MYO6: variants seen among roughly 807,000 people sequenced by gnomAD.
MYO6 encodes unconventional myosin-VI.
Under a neutral mutation model 178.7 loss-of-function variants are expected in MYO6, and 74 were observed. The ratio of observed to expected loss-of-function variants is 0.41; its 90% CI spans 0.34 to 0.50. MYO6 has a LOEUF of 0.50. Among genes scored for constraint, MYO6 ranks in the 20% least tolerant of loss-of-function variants. MYO6 has a pLI of 0.09. For missense variants in MYO6, 1,330 were observed against 1,547.4 expected (o/e 0.86, Z 2.36); for synonymous variants, 477 against 504.6 (o/e 0.95, Z 0.73).
At position 75,831,297 on chromosome 6, in the gene MYO6, T is replaced by G. The variant is rs138199315; in HGVS notation, c.391+752T>G. Among the ~76,000 whole-genome samples the G allele has an allele frequency of 3.3e-5, 5 of 152,340 alleles. No individual in the cohort carries two copies. In the East Asian group the frequency reaches 9.6e-4, roughly 29 times the overall value. ...TCCTGTTTCTCTTTGGGCTTTCCCT[T>G]CATGCTTGTGTTTTGGCCTAACCAG... is the stretch of plus-strand genomic sequence containing the variant. On this transcript the variant is annotated intron_variant, in intron 5 of 34. Transcript: ENST00000369977.
At chr6:75,802,066 A>C (rs115740310) in intron 1 of MYO6, among the ~76,000 whole-genome samples, 284 of 152,360 alleles carry the variant, frequency 1.9e-3, no homozygotes, top group African/African-American at 6.4e-3. Flanking sequence ...ATTTCAGTGA[A>C]AATTTCCAAT....
chr6:75,845,542 A>C (rs1326399382), intron 10 of MYO6, among the ~76,000 whole-genome samples: 1 of 151,986 alleles, frequency 6.6e-6, no homozygotes, highest in Non-Finnish European at 1.5e-5. Context: ...AAAATAAAAA[A>C]AATTCACTGG....
At chr6:75,836,383 C>G (rs896958350) in intron 7 of MYO6, among the ~76,000 whole-genome samples, 1 of 152,114 alleles carries the variant, frequency 6.6e-6, no homozygotes, top group Non-Finnish European at 1.5e-5. Context: ...TTTCCTTAAG[C>G]TATCCATGCT....
intron 11 of MYO6, among the ~76,000 whole-genome samples, chr6:75,851,144 C>G (rs1466978289): frequency 6.6e-6 from 1 of 152,126 alleles, no homozygotes; most frequent in African/African-American, 2.4e-5. Context: ...CTTCACACCT[C>G]TTATTATTAC....
chr6:75,911,888 ATATG>A (rs1780781696), intron 33 of MYO6, among the ~76,000 whole-genome samples, 190 bp downstream of exon 33: 1 of 152,038 alleles, frequency 6.6e-6, no homozygotes, highest in African/African-American at 2.4e-5. Flanking sequence ...TCCAATATGT[ATATG>A]TATTACAAAA....
chr6:75,866,287 GT>G (rs1215678340), intron 16 of MYO6, among the ~76,000 whole-genome samples: 54 of 150,840 alleles, frequency 3.6e-4, no homozygotes, highest in African/African-American at 1.3e-3. Flanking sequence ...GTGTGTGTGT[GT>G]GTGTGTGTGT....
intron 1 of MYO6, among the ~76,000 whole-genome samples, chr6:75,785,847 C>T (rs1217591840): frequency 6.6e-6 from 1 of 151,768 alleles, no homozygotes; most frequent in Non-Finnish European, 1.5e-5. Context: ...TCATCTTTCC[C>T]CATTATCTGC....
chr6:75,902,749 A>C (rs1194718734), intron 30 of MYO6, among the ~76,000 whole-genome samples: 8 of 148,950 alleles, frequency 5.4e-5, no homozygotes, highest in African/African-American at 7.4e-5. Context: ...GATTTTAGTT[A>C]TTTCTTGCCT....
chr6:75,768,215 T>C (rs1778601700), intron 1 of MYO6: 1 of 152,186 alleles, frequency 6.6e-6, no homozygotes, highest in Non-Finnish European at 1.5e-5. Context: ...CTTTTTTACC[T>C]GTAGTTTTAG....
intron 1 of MYO6, among the ~76,000 whole-genome samples, chr6:75,760,791 A>G (rs1208939434): frequency 6.6e-6 from 1 of 150,484 alleles, no homozygotes; most frequent in African/African-American, 2.4e-5. Flanking sequence ...CTTTTGTGGG[A>G]TCTTCTAAAA....
intron 2 of MYO6, 37 bp from the exon 3 acceptor site, chr6:75,822,745 A>G (rs1772020356): frequency 1.9e-6 from 3 of 1,560,392 alleles, no homozygotes; most frequent in Non-Finnish European, 2.7e-6. Flanking sequence ...ACTATTTAAA[A>G]GCCTTGAGTT....
At position 75,890,159 on chromosome 6, in the gene MYO6, G is replaced by T. The variant is rs770092845; in HGVS notation, c.2761G>T (p.Glu921Ter). The stretch of plus-strand genomic sequence containing the variant: ...ATTACAGAAAAAAAAACAGCAGGAA[G>T]AGGAAGCAGAAAGGCTGAGGCGTAT... Reference protein sequence around the residue: ...SALQKKKQQEEEAERLRRIQE... With the variant: ...SALQKKKQQE The change falls in exon 26 of 35, where the codon GAG becomes TAG. Residue 921 changes from glutamate (E) to a stop codon, truncating the protein, a stop_gained. Coordinates refer to ENST00000369977, the MANE Select transcript of MYO6 (RefSeq NM_004999.4). LOFTEE classifies it high-confidence loss of function. 6.2e-7 allele frequency: 1 copy of T among 1,613,716 alleles called. No individual in the cohort carries two copies. Among genetic ancestry groups the T allele is most frequent in the Non-Finnish European group, 8.5e-7 (1 of 1,179,744 alleles).
intron 30 of MYO6, among the ~76,000 whole-genome samples, chr6:75,903,614 T>TG (rs1780008183): frequency 6.6e-6 from 1 of 152,150 alleles, no homozygotes; most frequent in Non-Finnish European, 1.5e-5. Context: ...TTTGAGCCTA[T>TG]GTGTGTCTCT....
intron 1 of MYO6, among the ~76,000 whole-genome samples, chr6:75,779,217 C>T (rs1766712772): frequency 1.3e-5 from 2 of 151,894 alleles, no homozygotes; most frequent in Non-Finnish European, 2.9e-5. Context: ...TAATAAAAAA[C>T]GAGGCCGGGT....
rs79443273 is a variant in MYO6, at chr6:75,870,526, T to C, written c.1945-121T>C. 15,104 of 772,230 alleles carry C rather than the reference T, an allele frequency of 0.02. 1,070 individuals carry two copies. Among genetic ancestry groups the C allele is most frequent in the African/African-American group, 0.18 (10,538 of 58,372 alleles). The allele number at this position is 772,230 out of a possible 1,614,324, so 47.8% of individuals were successfully genotyped here. ...GTACCAGGAGGTTGTTAAACTGGAA[T>C]GTGTTGTATTTGGATGTTATTGCAT... On this transcript the variant is annotated intron_variant, in intron 18 of 34. Transcript: ENST00000369977.
At chr6:75,784,776 CAAAAAAAAA>C (rs754218278) in intron 1 of MYO6, among the ~76,000 whole-genome samples, 8 of 54,406 alleles carry the variant, frequency 1.5e-4, no homozygotes, top group African/African-American at 3.9e-4. Context: ...GACTCCGTCT[CAAAAAAAAA>C]AAAAAAAAAA....
intron 14 of MYO6, among the ~76,000 whole-genome samples, chr6:75,859,519 C>T (rs572346389): frequency 3.5e-3 from 531 of 151,908 alleles, no homozygotes; most frequent in Non-Finnish European, 4.9e-3. Flanking sequence ...AGGCTAGTCT[C>T]GAACTCTTGG....
chr6:75,772,101 C>CTT (rs1227505429), intron 1 of MYO6, among the ~76,000 whole-genome samples: 5 of 152,108 alleles, frequency 3.3e-5, no homozygotes, highest in African/African-American at 9.7e-5. Context: ...GTTGAGTCTA[C>CTT]TTTTCTGTTT....
chr6:75,791,240 T>C (rs890791198), intron 1 of MYO6, among the ~76,000 whole-genome samples: 6 of 152,180 alleles, frequency 3.9e-5, no homozygotes, highest in African/African-American at 1.4e-4. Flanking sequence ...GCCTAATAGC[T>C]GTATTTTTAA....
Sources: gnomAD v4.1 joint callset for allele counts (sites outside exome capture counted in the v4.1 genomes callset) on GRCh38, gnomAD v4.1.1 for gene constraint, MANE v1.5 for transcripts, NCBI Gene and HGNC (gene_info 2026-07-23, HGNC 2026-07-21) for gene names.